Variants in FAM161A observed in about 807,000 individuals in gnomAD.
FAM161A encodes protein FAM161A.
A neutral mutation model predicts 70.9 loss-of-function variants in FAM161A; 57 were observed. That is an observed-to-expected ratio of 0.80 (90% CI 0.65 to 1.00). The LOEUF (loss-of-function observed/expected upper bound fraction) is 1.00. Among genes scored for constraint, FAM161A ranks in the 50% least tolerant of loss-of-function variants. FAM161A has a pLI of 0.00. For missense variants in FAM161A, 880 were observed against 836.0 expected, an observed-to-expected ratio of 1.05 and a Z score of -0.65; for synonymous variants, 299 against 295.7, an observed-to-expected ratio of 1.01 and a Z score of -0.12.
the FAM161A span, among the ~76,000 whole-genome samples, chr2:61,804,760 AAAAGAAAGAGAAAGAAAGAAAG>A: frequency 9.2e-4 from 53 of 57,842 alleles, no homozygotes; most frequent in African/African-American, 2.5e-3. Context: ...GAAAGAAAGA[AAAAGAAAGAGAAAGAAAGAAAG>A]AAAGAAAGAA....
At chr2:61,836,165 TAC>T (rs755827940) in intron 4 of FAM161A, 56 bp from the exon 5 acceptor site, 56 of 1,201,386 alleles carry the variant, frequency 4.7e-5, no homozygotes, top group Non-Finnish European at 6.9e-5. Context: ...AATAAGAACT[TAC>T]ATATGTAACA....
At position 61,826,549 on chromosome 2, in the gene FAM161A, T is replaced by C. The variant is rs375067034; in HGVS notation, c.2057A>G (p.Tyr686Cys). ...ATCCTGGCTGTTGGTATCAATAAAA[T>C]AATTTTCTTCCCCATTCTCTCTTTC... ...IEERENGEEN[Y>C]FIDTNSQDSY... Residue 686 changes from tyrosine to cysteine, a missense_variant, in exon 7 of 7, where the codon TAT becomes TGT. By Grantham distance (194) the Tyr-to-Cys change is radical. Transcript: ENST00000404929. 10 of 1,601,396 alleles carry C rather than the reference T, an allele frequency of 6.2e-6. No individual in the cohort carries two copies. In the African/African-American group the frequency reaches 9.4e-5, roughly 15 times the overall value.
intron 3 of FAM161A, 28 bp downstream of exon 3, chr2:61,839,393 C>A: frequency 6.2e-7 from 1 of 1,610,780 alleles, no homozygotes; most frequent in South Asian, 1.1e-5. Flanking sequence ...AACCATGAGT[C>A]AGTCAGTACT....
the FAM161A span, chr2:61,803,487 G>C: frequency 1.3e-4 from 76 of 573,992 alleles, no homozygotes; most frequent in African/African-American, 4.9e-4. Flanking sequence ...GATATTGCAA[G>C]GATGTTATCT....
At chr2:61,819,182 A>G in the FAM161A span, among the ~76,000 whole-genome samples, 464 of 152,332 alleles carry the variant, frequency 3.0e-3, 2 homozygotes, top group African/African-American at 0.011. Flanking sequence ...AAAAGAGACT[A>G]AAGAGCTATC....
At chr2:61,842,973 G>C (rs1377091815) in intron 1 of FAM161A, among the ~76,000 whole-genome samples, 1 of 152,204 alleles carries the variant, frequency 6.6e-6, no homozygotes, top group Non-Finnish European at 1.5e-5. Flanking sequence ...TTTCAGGGTA[G>C]CTGCTTCTGT....
intron 1 of FAM161A, among the ~76,000 whole-genome samples, chr2:61,849,311 G>A (rs1259512921): frequency 6.7e-6 from 1 of 149,286 alleles, no homozygotes; most frequent in Non-Finnish European, 1.5e-5. Context: ...GTTGTTAAAA[G>A]GGCCTAAGCG....
chr2:61,833,276 A>G (rs1672649231), intron 5 of FAM161A, among the ~76,000 whole-genome samples: 1 of 151,972 alleles, frequency 6.6e-6, no homozygotes, highest in East Asian at 1.9e-4. Context: ...ATACAAAAAA[A>G]TTAGCTAGGC....
intron 1 of FAM161A, among the ~76,000 whole-genome samples, chr2:61,849,679 G>C (rs1480576517): frequency 6.6e-6 from 1 of 151,232 alleles, no homozygotes; most frequent in Non-Finnish European, 1.5e-5. Flanking sequence ...TAGCTACTCA[G>C]GAGGCTGAGG....
the FAM161A span, among the ~76,000 whole-genome samples, chr2:61,816,242 C>G: frequency 1.3e-5 from 2 of 152,138 alleles, no homozygotes; most frequent in African/African-American, 4.8e-5. Flanking sequence ...AAGTCTTACT[C>G]CTGTGAACAC....
chr2:61,850,679 G>C (rs1673467332), intron 1 of FAM161A, among the ~76,000 whole-genome samples: 2 of 152,236 alleles, frequency 1.3e-5, no homozygotes, highest in South Asian at 4.1e-4. Context: ...ATTGATCCTG[G>C]GAGGTTGAGA....
chr2:61,851,715 AACAGGC>A (rs1363716647), intron 1 of FAM161A, among the ~76,000 whole-genome samples: 5 of 151,928 alleles, frequency 3.3e-5, no homozygotes, highest in Non-Finnish European at 7.4e-5. Flanking sequence ...AGATTCAAGG[AACAGGC>A]ATCAGTGCCC....
At chr2:61,835,920 A>G (rs1310692319) in intron 5 of FAM161A, 90 bp downstream of exon 5, 12 of 870,570 alleles carry the variant, frequency 1.4e-5, no homozygotes, top group Non-Finnish European at 2.1e-5. Context: ...TATATAACAC[A>G]TAAGAAAAAT....
chr2:61,809,371 CTCTT>C, the FAM161A span, among the ~76,000 whole-genome samples: 1 of 152,180 alleles, frequency 6.6e-6, no homozygotes, highest in African/African-American at 2.4e-5. Context: ...AACTAGGACT[CTCTT>C]TGTTTACATA....
At position 61,832,208 on chromosome 2, in the gene FAM161A, G is replaced by C. The variant is rs1340282233; in HGVS notation, c.1851+3802C>G. ...TGCAGTGAGCCGAGATCATGCCACT[G>C]CACTCCAGCCTGGGACAGAGTAAGA... On this transcript the variant is annotated intron_variant, in intron 5 of 6. Transcript: ENST00000404929. 4.2e-5 allele frequency among the ~76,000 whole-genome samples: 6 copies of C among 141,990 alleles called. No individual in the cohort carries two copies. In the Admixed American group the frequency reaches 4.7e-4, roughly 11 times the overall value. 93.2% of individuals were successfully genotyped at this position (141,990 alleles called of 152,430 possible). A position where few individuals can be genotyped will look rare whatever the true frequency, so the allele number is the denominator to read the frequency against.
intron 2 of FAM161A, among the ~76,000 whole-genome samples, chr2:61,841,893 T>C (rs577405516): frequency 5.9e-5 from 9 of 152,302 alleles, no homozygotes; most frequent in East Asian, 1.9e-4. Flanking sequence ...CTCAGTTCTA[T>C]GGGTGGGTCA....
Position 61,842,226 on chromosome 2 carries a change from G to A in FAM161A, c.318C>T (p.His106=). ...TCTCTAATTTTGCCATAGTTTCTAT[G>A]TGGGCAGCCTTCAACTCTTCTACTT... is the stretch of plus-strand genomic sequence containing the variant. The part of the protein sequence containing the change: ...FKKVEELKAA[H]IETMAKLEKM... Residue 106 remains histidine, a synonymous_variant, in exon 2 of 7, where the codon CAC becomes CAT. Transcript: ENST00000404929. 6.2e-7 allele frequency: 1 copy of A among 1,613,444 alleles called. No homozygotes were observed. Among genetic ancestry groups the A allele is most frequent in the African/African-American group, 1.3e-5 (1 of 75,012 alleles).
chr2:61,831,419 A>G (rs1672571271), intron 5 of FAM161A, among the ~76,000 whole-genome samples: 1 of 152,196 alleles, frequency 6.6e-6, no homozygotes, highest in Non-Finnish European at 1.5e-5. Context: ...CCCAACCTCC[A>G]AAACAATCAT....
At chr2:61,802,910 T>G in the FAM161A span, among the ~76,000 whole-genome samples, 1 of 152,176 alleles carries the variant, frequency 6.6e-6, no homozygotes, top group Non-Finnish European at 1.5e-5. Context: ...GGCACCTAGT[T>G]AGCCCTGAGA....
Sources: allele counts gnomAD v4.1 joint callset (sites outside exome capture counted in the v4.1 genomes callset), GRCh38; gene constraint gnomAD v4.1.1; transcripts MANE v1.5; gene names NCBI Gene and HGNC (gene_info 2026-07-23, HGNC 2026-07-21).